The following NDUFA10 variants were observed in gnomAD, a reference collection of about 807,000 sequenced individuals.
NDUFA10 encodes NADH:ubiquinone oxidoreductase subunit A10, also known as NADH dehydrogenase [ubiquinone] 1 alpha subcomplex subunit 10, mitochondrial.
In NDUFA10, 40 loss-of-function variants were observed where a neutral mutation model predicts 47.8. The ratio of observed to expected loss-of-function variants is 0.84; its 90% CI spans 0.65 to 1.09. The LOEUF (loss-of-function observed/expected upper bound fraction) is 1.09, where lower values mean the gene tolerates loss of function less well. Ranked by LOEUF, NDUFA10 falls within the 50% of genes least tolerant of loss-of-function variation. NDUFA10 has a pLI of 0.00. For synonymous variants in NDUFA10, 183 were observed against 172.2 expected (o/e 1.06, Z -0.49); for missense variants, 413 against 451.1 (o/e 0.92, Z 0.76).
intron 3 of NDUFA10, among the ~76,000 whole-genome samples, chr2:240,020,922 T>C (rs1202347321): frequency 1.3e-5 from 2 of 152,194 alleles, no homozygotes; most frequent in Admixed American, 6.5e-5. Flanking sequence ...ATTTCATATA[T>C]AAATGAATAT....
chr2:239,907,086 G>A (rs992731616), intron 4 of NDUFA10, among the ~76,000 whole-genome samples: 4 of 152,124 alleles, frequency 2.6e-5, no homozygotes, highest in Non-Finnish European at 2.9e-5. Flanking sequence ...ACAGATTAGA[G>A]CCCTCAGAAA....
rs192838222 is a variant in NDUFA10 at position 239,932,705 on chromosome 2, G to A, written c.295-37391C>T. On this transcript the variant is annotated intron_variant, in intron 4 of 5. Coordinates refer to the NDUFA10 transcript ENST00000419408. ...CGCCATTCTCCTGCCTCAGCCTCCC[G>A]AGTAGCTGGGACTACAGGCATCCGC... Among the ~76,000 whole-genome samples the A allele has an allele frequency of 7.5e-3, 1,146 of 151,836 alleles. 10 individuals are homozygous for A. The highest frequency in any genetic ancestry group is 0.026 in the African/African-American group (1,087 of 41,386).
intron 4 of NDUFA10, among the ~76,000 whole-genome samples, chr2:239,941,080 G>T (rs1694352445): frequency 6.6e-6 from 1 of 152,174 alleles, no homozygotes. Flanking sequence ...GTCACTACAA[G>T]GTGCAGAAAC....
chr2:239,957,062 C>T (rs1408704453), downstream of NDUFA10, among the ~76,000 whole-genome samples: 1 of 152,216 alleles, frequency 6.6e-6, no homozygotes, highest in Non-Finnish European at 1.5e-5. Flanking sequence ...GGGTGCCCTG[C>T]AGCTCAGGCC....
chr2:239,895,925 C>T (rs1229581990), intron 4 of NDUFA10, among the ~76,000 whole-genome samples: 12 of 152,172 alleles, frequency 7.9e-5, no homozygotes, highest in Admixed American at 2.6e-4. Context: ...GTCTTCTTTC[C>T]GTCCATGCAT....
chr2:240,018,329 C>T, intron 4 of NDUFA10: 5 of 1,362,592 alleles, frequency 3.7e-6, no homozygotes, highest in Non-Finnish European at 5.0e-6. Flanking sequence ...CTCCAATCTG[C>T]TTTCACAGGG....
chr2:239,924,393 GA>G (rs1694037112), intron 4 of NDUFA10, among the ~76,000 whole-genome samples: 2 of 151,980 alleles, frequency 1.3e-5, no homozygotes, highest in South Asian at 4.1e-4. Context: ...AGGGTTCATT[GA>G]AAATAATATA....
intron 4 of NDUFA10, among the ~76,000 whole-genome samples, chr2:239,952,141 C>T (rs1300794247): frequency 6.6e-6 from 1 of 152,062 alleles, no homozygotes; most frequent in Non-Finnish European, 1.5e-5. Flanking sequence ...AGAGGGCAGA[C>T]AGCCTGGCTG....
At chr2:239,982,176 T>C in intron 9 of NDUFA10, 5 of 1,612,840 alleles carry the variant, frequency 3.1e-6, no homozygotes, top group Non-Finnish European at 4.2e-6. Flanking sequence ...TTCAGGACCC[T>C]CTCTTGTACT....
chr2:239,980,374 C>CT (rs1695723637), intron 9 of NDUFA10, among the ~76,000 whole-genome samples: 2 of 152,218 alleles, frequency 1.3e-5, no homozygotes, highest in African/African-American at 2.4e-5. Flanking sequence ...ATGCCTGACT[C>CT]TATCTCTGGG....
rs944136641 is a variant in NDUFA10 at position 239,990,695 on chromosome 2, T to C, written c.891-513A>G. Among the ~76,000 whole-genome samples the C allele has an allele frequency of 3.9e-5, 6 of 152,330 alleles. No individual in the cohort carries two copies. In the South Asian group the frequency reaches 1.2e-3, roughly 32 times the overall value. The stretch of plus-strand genomic sequence containing the variant: ...GCTGAGGCCAACATAGGATGGTCTG[T>C]TGTACCACGGCTTGTAAAAGGTCTA... On this transcript the variant is annotated intron_variant, in intron 8 of 9. Coordinates refer to ENST00000252711, the MANE Select transcript of NDUFA10 (RefSeq NM_004544.4).
At chr2:239,897,180 G>A (rs866368658) in intron 4 of NDUFA10, among the ~76,000 whole-genome samples, 4 of 152,010 alleles carry the variant, frequency 2.6e-5, no homozygotes, top group African/African-American at 4.8e-5. Context: ...TCATTTCTTC[G>A]AGCAATATGG....
intron 4 of NDUFA10, among the ~76,000 whole-genome samples, chr2:239,926,250 T>C (rs529480421): frequency 1.3e-4 from 20 of 152,370 alleles, no homozygotes; most frequent in African/African-American, 4.3e-4. Context: ...GTCAATTTCC[T>C]TCAATGGGTG....
chr2:240,025,298 C>A lies in NDUFA10; in HGVS notation c.4G>T (p.Ala2Ser), dbSNP rs982197893. 2.7e-6 allele frequency: 4 copies of A among 1,505,848 alleles called. No homozygotes were observed. Among genetic ancestry groups the A allele is most frequent in the African/African-American group, 2.9e-5 (2 of 68,850 alleles). The allele number at this position is 1,505,848 out of a possible 1,614,324, so 93.3% of individuals were successfully genotyped here. ...GCTGCCAGCTTCAGGAGCCGCAAGGCCATGGCTACCCGGTCAGCTCAGGAT... is the reference window on the plus strand; with the variant it reads ...GCTGCCAGCTTCAGGAGCCGCAAGGACATGGCTACCCGGTCAGCTCAGGAT... M[A>S]LRLLKLAATS... Residue 2 changes from alanine to serine, a missense_variant, in exon 1 of 10, where the codon GCC (alanine) becomes TCC (serine). Physicochemically the swap from Ala to Ser is moderately conservative, Grantham distance 99. Coordinates refer to ENST00000252711, the MANE Select transcript of NDUFA10 (RefSeq NM_004544.4).
At chr2:240,023,354 CAA>C (rs1025667560) in intron 1 of NDUFA10, among the ~76,000 whole-genome samples, 1 of 152,010 alleles carries the variant, frequency 6.6e-6, no homozygotes, top group African/African-American at 2.4e-5. Flanking sequence ...TACAAAAAAA[CAA>C]AAGACTATTA....
chr2:239,900,577 A>AG (rs918434384), intron 4 of NDUFA10, among the ~76,000 whole-genome samples: 13 of 48,080 alleles, frequency 2.7e-4, no homozygotes, highest in African/African-American at 9.0e-4. Flanking sequence ...TTTCTTCCAT[A>AG]GGAAAAAAAA....
chr2:239,900,113 T>G (rs1476813006), intron 4 of NDUFA10, among the ~76,000 whole-genome samples: 1 of 151,986 alleles, frequency 6.6e-6, no homozygotes, highest in East Asian at 1.9e-4. Context: ...GACTCCAAGT[T>G]CTTCAGCTTT....
intron 4 of NDUFA10, among the ~76,000 whole-genome samples, chr2:239,950,444 A>C (rs1257994563): frequency 6.6e-6 from 1 of 152,206 alleles, no homozygotes; most frequent in African/African-American, 2.4e-5. Context: ...ACCTTTGGAA[A>C]TCTGAGGAAC....
intron 4 of NDUFA10, 103 bp downstream of exon 4, chr2:240,018,449 TA>T: frequency 6.2e-7 from 1 of 1,602,070 alleles, no homozygotes; most frequent in Non-Finnish European, 8.5e-7. Flanking sequence ...TTTATTCATC[TA>T]TCTAACAGAC....
Sources: gnomAD v4.1 joint callset for allele counts (sites outside exome capture counted in the v4.1 genomes callset) on GRCh38, gnomAD v4.1.1 for gene constraint, MANE v1.5 for transcripts, NCBI Gene and HGNC (gene_info 2026-07-23, HGNC 2026-07-21) for gene names.